ABL1: variants seen among roughly 807,000 people sequenced by gnomAD.
The protein encoded by ABL1 is tyrosine-protein kinase ABL1.
A neutral mutation model predicts 94.7 loss-of-function variants in ABL1; 11 were observed. The observed-to-expected ratio is 0.12, with a 90% CI of 0.07 to 0.19. The LOEUF (loss-of-function observed/expected upper bound fraction) is 0.19, where lower values mean the gene tolerates loss of function less well. Among genes scored for constraint, ABL1 ranks in the 10% least tolerant of loss-of-function variants. ABL1 has a pLI of 1.00. For synonymous variants in ABL1, 656 were observed against 622.4 expected, an observed-to-expected ratio of 1.05 and a Z score of -0.80; for missense variants, 1,082 against 1,489.4, an observed-to-expected ratio of 0.73 and a Z score of 4.50.
In ABL1 at chr9:130,862,143, A is replaced by T. The variant is rs1831083839; in HGVS notation, c.550-620A>T. On this transcript the variant is annotated intron_variant, in intron 3 of 10. Coordinates refer to ENST00000318560, the MANE Select transcript of ABL1 (RefSeq NM_005157.6). This position sits in a 1 kb window ranked among gnomAD's most constrained non-coding sequence, Gnocchi z 5.5. ...CCCCTTTAAATTATAAATTAAATGAATTCTTCGCTTTTCCTACCAGCAACT... is the reference window on the plus strand; with the variant it reads ...CCCCTTTAAATTATAAATTAAATGATTTCTTCGCTTTTCCTACCAGCAACT... Among the ~76,000 whole-genome samples the T allele has an allele frequency of 1.3e-5, 2 of 152,222 alleles. No individual in the cohort carries two copies. Among genetic ancestry groups the T allele is most frequent in the South Asian group, 2.1e-4 (1 of 4,834 alleles).
At chr9:130,767,737 A>C (rs1340508765) in intron 1 of ABL1, among the ~76,000 whole-genome samples, 1 of 152,270 alleles carries the variant, frequency 6.6e-6, no homozygotes, top group African/African-American at 2.4e-5. Flanking sequence ...AGCTCTCTGA[A>C]GTAAAGTGCA....
At chr9:130,729,076 A>G (rs1393686643) in intron 1 of ABL1, among the ~76,000 whole-genome samples, 2 of 152,136 alleles carry the variant, frequency 1.3e-5, no homozygotes, top group East Asian at 1.9e-4. Flanking sequence ...GTTTGGTTTT[A>G]TGCTTTGTTA....
At chr9:130,735,697 C>T (rs993928311) in intron 1 of ABL1, among the ~76,000 whole-genome samples, 1 of 151,526 alleles carries the variant, frequency 6.6e-6, no homozygotes, top group Admixed American at 6.6e-5. Context: ...GGTTTTCCAA[C>T]CAGTTCCCTT....
chr9:130,868,185 C>G (rs1271663303), intron 4 of ABL1, among the ~76,000 whole-genome samples: 1 of 152,130 alleles, frequency 6.6e-6, no homozygotes, highest in Non-Finnish European at 1.5e-5. Flanking sequence ...GTCTCGATCT[C>G]CTGACTTCAT....
chr9:130,768,986 T>G (rs1049089812), intron 1 of ABL1, among the ~76,000 whole-genome samples: 12 of 152,152 alleles, frequency 7.9e-5, no homozygotes, highest in African/African-American at 2.9e-4. Context: ...GTAAATATGT[T>G]GAGAAAGGTC....
chr9:130,867,473 G>A (rs145701216), intron 4 of ABL1, among the ~76,000 whole-genome samples: 12 of 152,272 alleles, frequency 7.9e-5, no homozygotes, highest in Non-Finnish European at 1.2e-4. Context: ...TGGTGGGTCC[G>A]CTTCCAGAAA....
intron 1 of ABL1, among the ~76,000 whole-genome samples, chr9:130,782,646 T>C (rs954156939): frequency 2.6e-5 from 4 of 152,208 alleles, no homozygotes; most frequent in Non-Finnish European, 4.4e-5. Flanking sequence ...AATGAGAACA[T>C]GCCAAGATAT....
At chr9:130,824,881 G>A (rs568239612) in intron 1 of ABL1, among the ~76,000 whole-genome samples, 8 of 152,226 alleles carry the variant, frequency 5.3e-5, no homozygotes, top group Admixed American at 3.9e-4. Context: ...GAGCAGTTCC[G>A]TTTAGAGATC....
intron 4 of ABL1, among the ~76,000 whole-genome samples, chr9:130,866,795 AAAGGGAGGACGTGCTT>A (rs1203974194): frequency 1.6e-4 from 25 of 152,328 alleles, no homozygotes; most frequent in Middle Eastern, 3.4e-3. Context: ...TATCTGTGTT[AAAGGGAGGACGTGCTT>A]AAGAAAACCA....
At chr9:130,777,310 G>C (rs1829678342) in intron 1 of ABL1, among the ~76,000 whole-genome samples, 1 of 152,326 alleles carries the variant, frequency 6.6e-6, no homozygotes, top group African/African-American at 2.4e-5. Flanking sequence ...ATGTGGATGG[G>C]GTTGTCCATT....
chr9:130,783,983 C>T (rs539313423), intron 1 of ABL1, among the ~76,000 whole-genome samples: 1 of 152,108 alleles, frequency 6.6e-6, no homozygotes, highest in Non-Finnish European at 1.5e-5. Context: ...AAGAAAACGT[C>T]CACAAGGTAA....
At chr9:130,868,197 A>G (rs1831189667) in intron 4 of ABL1, among the ~76,000 whole-genome samples, 1 of 151,992 alleles carries the variant, frequency 6.6e-6, no homozygotes, top group Admixed American at 6.6e-5. Context: ...TGACTTCATG[A>G]TCTGCCCTCC....
At chr9:130,766,286 A>G (rs540877108) in intron 1 of ABL1, among the ~76,000 whole-genome samples, 6 of 152,150 alleles carry the variant, frequency 3.9e-5, no homozygotes, top group Non-Finnish European at 8.8e-5. Context: ...GGCAGGACAG[A>G]TGCCTTACTG....
intron 1 of ABL1, among the ~76,000 whole-genome samples, chr9:130,852,003 T>C (rs1232884282): frequency 6.6e-6 from 1 of 152,066 alleles, no homozygotes; most frequent in Non-Finnish European, 1.5e-5. Context: ...GGTCTCGAAC[T>C]CCTGACCTCA....
intron 1 of ABL1, among the ~76,000 whole-genome samples, chr9:130,792,343 T>C (rs1283847679): frequency 6.6e-6 from 1 of 152,210 alleles, no homozygotes; most frequent in East Asian, 1.9e-4. Flanking sequence ...GTTCACATGG[T>C]AGCTCGCATG....
intron 1 of ABL1, among the ~76,000 whole-genome samples, chr9:130,739,080 G>A (rs1831782104): frequency 6.6e-6 from 1 of 152,148 alleles, no homozygotes; most frequent in African/African-American, 2.4e-5. Context: ...TTTTAGTAGA[G>A]ACGTGGTTTC....
Position 130,862,017 on chromosome 9 carries a change from G to A in ABL1, c.550-746G>A, listed in dbSNP as rs1401401542. Among the ~76,000 whole-genome samples the A allele has an allele frequency of 6.6e-5, 10 of 152,160 alleles. No individual in the cohort carries two copies. Among genetic ancestry groups the A allele is most frequent in the African/African-American group, 2.4e-4 (10 of 41,428 alleles). On this transcript the variant is annotated intron_variant, in intron 3 of 10. Transcript: ENST00000318560. The surrounding 1 kb of genome is among the most constrained non-coding windows in gnomAD (Gnocchi z 5.5). ...CTCACCTGCTGTAGCTCTCACACGG[G>A]GACCGAATGCTCTTGTGTCGTAAAT...
At chr9:130,843,544 G>A (rs1366517799) in intron 1 of ABL1, among the ~76,000 whole-genome samples, 1 of 152,116 alleles carries the variant, frequency 6.6e-6, no homozygotes, top group Non-Finnish European at 1.5e-5. Flanking sequence ...TTTTTGTACT[G>A]CTGGGGACAT....
intron 4 of ABL1, among the ~76,000 whole-genome samples, chr9:130,870,581 G>A (rs2132991473): frequency 6.6e-6 from 1 of 152,244 alleles, no homozygotes; most frequent in South Asian, 2.1e-4. Flanking sequence ...ATGTCACCCT[G>A]GTAAATCAGA....
Sources: gnomAD v4.1 joint callset for allele counts (sites outside exome capture counted in the v4.1 genomes callset) on GRCh38, gnomAD v4.1.1 for gene constraint, Gnocchi (gnomAD v3.1) non-coding constraint, MANE v1.5 for transcripts, NCBI Gene and HGNC (gene_info 2026-07-23, HGNC 2026-07-21) for gene names.